The following ARMC8 variants were observed in gnomAD, a reference collection of about 807,000 sequenced individuals.
ARMC8 encodes armadillo repeat containing 8.
Under a neutral mutation model 99.3 loss-of-function variants are expected in ARMC8, and 20 were observed. The observed-to-expected ratio is 0.20, with a 90% CI of 0.14 to 0.29. The LOEUF is 0.29. ARMC8 is among the 10% of genes least tolerant of loss of function. The pLI is 1.00. For missense variants in ARMC8, 569 were observed against 809.5 expected (o/e 0.70, Z 3.60); for synonymous variants, 263 against 278.3 (o/e 0.95, Z 0.55).
chr3:138,194,715 G>A (rs1394176795), intron 1 of ARMC8, among the ~76,000 whole-genome samples: 3 of 149,352 alleles, frequency 2.0e-5, no homozygotes, highest in African/African-American at 7.4e-5. Flanking sequence ...CCTTCATTTT[G>A]TTCTGTTCTC....
intron 15 of ARMC8, 34 bp downstream of exon 15, chr3:138,267,275 CA>C: frequency 7.5e-7 from 1 of 1,336,386 alleles, no homozygotes; most frequent in Non-Finnish European, 1.0e-6. Flanking sequence ...AGACTTTGCC[CA>C]GTCCAGCTAG....
At chr3:138,208,629 GA>G (rs1253837333) in intron 1 of ARMC8, among the ~76,000 whole-genome samples, 1 of 152,100 alleles carries the variant, frequency 6.6e-6, no homozygotes, top group Admixed American at 6.6e-5. Context: ...GAGTAAATTG[GA>G]AAAGTTATTT....
chr3:138,240,342 CT>C (rs1046572230), intron 10 of ARMC8, among the ~76,000 whole-genome samples: 2 of 152,100 alleles, frequency 1.3e-5, no homozygotes, highest in African/African-American at 4.8e-5. Flanking sequence ...CTAATATTTG[CT>C]TTAGTCTTTG....
At chr3:138,244,558 G>T (rs1458222322) in intron 11 of ARMC8, among the ~76,000 whole-genome samples, 1 of 152,164 alleles carries the variant, frequency 6.6e-6, no homozygotes, top group African/African-American at 2.4e-5. Context: ...GATTACAGGC[G>T]TGAGCCACCG....
At chr3:138,290,933 A>G (rs1468859204) in intron 21 of ARMC8, among the ~76,000 whole-genome samples, 1 of 152,214 alleles carries the variant, frequency 6.6e-6, no homozygotes, top group Non-Finnish European at 1.5e-5. Flanking sequence ...ATAGACATGC[A>G]TGTGGCATTT....
intron 16 of ARMC8, among the ~76,000 whole-genome samples, chr3:138,272,009 A>G (rs2048850430): frequency 6.6e-6 from 1 of 152,066 alleles, no homozygotes; most frequent in African/African-American, 2.4e-5. Context: ...TGTTACTTGG[A>G]ATTTATCATG....
At chr3:138,266,689 C>T (rs1379674174) in intron 14 of ARMC8, among the ~76,000 whole-genome samples, 2 of 152,172 alleles carry the variant, frequency 1.3e-5, no homozygotes, top group African/African-American at 4.8e-5. Context: ...CAGTCTCCCA[C>T]ACTGTCCTGC....
intron 12 of ARMC8, among the ~76,000 whole-genome samples, chr3:138,260,318 T>C (rs2047638211): frequency 6.6e-6 from 1 of 152,274 alleles, no homozygotes; most frequent in South Asian, 2.1e-4. Context: ...CACCTGCTGA[T>C]TACAAAAGAT....
At chr3:138,225,311 A>G (rs1437822866) in intron 5 of ARMC8, among the ~76,000 whole-genome samples, 2 of 152,034 alleles carry the variant, frequency 1.3e-5, no homozygotes, top group Non-Finnish European at 1.5e-5. Context: ...GGGTTTCACC[A>G]TGTTGGCCAG....
At chr3:138,290,341 G>A (rs1025511334) in intron 20 of ARMC8, among the ~76,000 whole-genome samples, 1 of 152,202 alleles carries the variant, frequency 6.6e-6, no homozygotes, top group Non-Finnish European at 1.5e-5. Flanking sequence ...CAGGCAGGAT[G>A]ATCAGGAGGC....
chr3:138,198,965 A>G (rs1203741265), intron 1 of ARMC8, among the ~76,000 whole-genome samples: 1 of 152,074 alleles, frequency 6.6e-6, no homozygotes, highest in Non-Finnish European at 1.5e-5. Context: ...TTTAAAAATT[A>G]TATATTTTAG....
intron 10 of ARMC8, among the ~76,000 whole-genome samples, chr3:138,241,059 G>A (rs905712959): frequency 1.3e-5 from 2 of 152,052 alleles, no homozygotes; most frequent in Admixed American, 1.3e-4. Context: ...CAAAAAAAAA[G>A]AAAAAGAAAT....
intron 6 of ARMC8, among the ~76,000 whole-genome samples, chr3:138,230,894 A>G (rs1056875461): frequency 1.3e-5 from 2 of 152,246 alleles, no homozygotes; most frequent in Admixed American, 6.5e-5. Context: ...AAACTTCTCA[A>G]TGCTGTTTTA....
At chr3:138,265,205 A>G (rs1232523101) in intron 14 of ARMC8, among the ~76,000 whole-genome samples, 3 of 151,906 alleles carry the variant, frequency 2.0e-5, no homozygotes, top group African/African-American at 4.8e-5. Context: ...ACCCCTGGAT[A>G]TTTTTTAACA....
intron 18 of ARMC8, among the ~76,000 whole-genome samples, chr3:138,282,759 T>C (rs1397891129): frequency 2.0e-5 from 3 of 152,136 alleles, no homozygotes; most frequent in Admixed American, 1.3e-4. Context: ...ATCTTGAACT[T>C]GGACTCCTAA....
At chr3:138,245,750 A>T in intron 12 of ARMC8, 1 of 988,082 alleles carries the variant, frequency 1.0e-6, no homozygotes, top group Non-Finnish European at 1.2e-6. Flanking sequence ...CTGGTATAGC[A>T]CCCTTATGTT....
chr3:138,261,772 T>C (rs1039257400), intron 12 of ARMC8: 1 of 152,194 alleles, frequency 6.6e-6, no homozygotes, highest in Admixed American at 6.5e-5. Context: ...TCAAGGTAGA[T>C]AGGCTTTGAG....
chr3:138,232,832 C>T (rs2108131244), intron 6 of ARMC8, among the ~76,000 whole-genome samples: 1 of 152,272 alleles, frequency 6.6e-6, no homozygotes, highest in Admixed American at 6.5e-5. Flanking sequence ...GGCAGGAGAA[C>T]AGATTGGCTG....
At chr3:138,258,513 G>A (rs1040701292) in intron 12 of ARMC8, among the ~76,000 whole-genome samples, 23 of 152,190 alleles carry the variant, frequency 1.5e-4, no homozygotes, top group African/African-American at 5.5e-4. Flanking sequence ...TGGAGTTCCT[G>A]TGTATACCAT....
Sources: allele counts gnomAD v4.1 joint callset (sites outside exome capture counted in the v4.1 genomes callset), GRCh38; gene constraint gnomAD v4.1.1; transcripts MANE v1.5; gene names NCBI Gene and HGNC (gene_info 2026-07-23, HGNC 2026-07-21).